Variants in CHODL observed in about 807,000 individuals in gnomAD.
The protein encoded by CHODL is transmembrane protein MT75.
A neutral mutation model predicts 34.5 loss-of-function variants in CHODL; 29 were observed. The observed-to-expected ratio is 0.84, with a 90% confidence interval of 0.63 to 1.15. The LOEUF is 1.15. CHODL is among the 50% of genes most tolerant of loss of function. CHODL has a pLI of 0.00. For synonymous variants in CHODL, 125 were observed against 116.1 expected, an observed-to-expected ratio of 1.08 and a Z score of -0.49; for missense variants, 332 against 332.5, an observed-to-expected ratio of 1.00 and a Z score of 0.01.
chr21:18,245,101 T>C lies in CHODL; in HGVS notation c.-123T>C, dbSNP rs1450368538. ...CGCGCAGGGGGTCGGGCAGCTGGGC[T>C]CGGGCGGCGGGAGTAGGGCCCGGCA... On this transcript the variant is annotated 5_prime_UTR_variant, in exon 1 of 6. Transcript: ENST00000299295. 2 of 807,366 alleles carry C rather than the reference T, an allele frequency of 2.5e-6. No homozygotes were observed. The highest frequency in any genetic ancestry group is 6.8e-5 in the East Asian group (2 of 29,536). The allele number at this position is 807,366 out of a possible 1,614,324, so 50.0% of individuals were successfully genotyped here. A position where few individuals can be genotyped will look rare whatever the true frequency, so the allele number is the denominator to read the frequency against.
chr21:18,206,661 T>C (rs898145935), intron 2 of CHODL, among the ~76,000 whole-genome samples: 3 of 151,876 alleles, frequency 2.0e-5, no homozygotes, highest in African/African-American at 4.8e-5. Context: ...ATTGTTATTA[T>C]TGATAAGTGA....
At chr21:18,174,155 A>ATCTTGGTATATG (rs1439330215) in intron 2 of CHODL, among the ~76,000 whole-genome samples, 1 of 110,482 alleles carries the variant, frequency 9.1e-6, no homozygotes, top group Admixed American at 9.1e-5. Flanking sequence ...ATATATATAT[A>ATCTTGGTATATG]TATATAAAAT....
chr21:18,167,211 CTGTGTGTG>C lies in CHODL; in HGVS notation c.-44-89260_-44-89253del, dbSNP rs71329776. The stretch of plus-strand genomic sequence containing the variant: ...TTTCACCATTCCCATTTCTCTCTCT[CTGTGTGTG>C]TGTGTGTGTGTGTGTGTGTGTGTGT... On this transcript the variant is annotated intron_variant, in intron 2 of 6. Transcript: ENST00000400127. Among the ~76,000 whole-genome samples the C allele has an allele frequency of 1.2e-3, 106 of 88,178 alleles. 1 individual carries two copies. The highest frequency in any genetic ancestry group is 3.4e-3 in the African/African-American group (78 of 22,914). The allele number at this position is 88,178 out of a possible 152,430, so 57.8% of individuals were successfully genotyped here.
chr21:18,256,570 A>G lies in CHODL; in HGVS notation c.141A>G (p.Glu47=). 2 of 1,613,830 alleles carry G rather than the reference A, an allele frequency of 1.2e-6. No homozygotes were observed. Among genetic ancestry groups the G allele is most frequent in the South Asian group, 2.2e-5 (2 of 91,058 alleles). ...HPCYKMAYFH[E]LSSRVSFQEA... is the part of the protein sequence containing the mutation. ...GCTACAAAATGGCCTACTTCCATGA[A>G]CTGTCCAGCCGAGTGAGCTTTCAGG... Residue 47 remains glutamate (E), a synonymous_variant, in exon 2 of 6, where the codon GAA becomes GAG. Transcript: ENST00000299295.
intron 2 of CHODL, among the ~76,000 whole-genome samples, chr21:18,128,690 G>A (rs1324698058): frequency 6.6e-6 from 1 of 152,152 alleles, no homozygotes; most frequent in East Asian, 1.9e-4. Flanking sequence ...GGAGCAAGGA[G>A]AAGGAATAGA....
intron 2 of CHODL, among the ~76,000 whole-genome samples, chr21:18,041,911 T>C (rs2064380523): frequency 2.0e-5 from 3 of 152,002 alleles, no homozygotes; most frequent in African/African-American, 7.2e-5. Context: ...GCAATAACTA[T>C]ATGAGAAAGC....
intron 2 of CHODL, among the ~76,000 whole-genome samples, chr21:18,187,340 C>A (rs940876830): frequency 1.3e-5 from 2 of 152,046 alleles, no homozygotes; most frequent in Admixed American, 6.6e-5. Context: ...CTGTATGTCC[C>A]ATGTCAAGCC....
At chr21:18,102,262 CTTCCTTTTGTCAT>C (rs1231833192) in intron 2 of CHODL, among the ~76,000 whole-genome samples, 1 of 152,188 alleles carries the variant, frequency 6.6e-6, no homozygotes, top group East Asian at 1.9e-4. Context: ...ACGCCCAACA[CTTCCTTTTGTCAT>C]TTCAGGATTC....
intron 2 of CHODL, among the ~76,000 whole-genome samples, chr21:18,167,217 G>C (rs886662576): frequency 0.012 from 1,307 of 112,298 alleles, 15 homozygotes; most frequent in African/African-American, 0.033. Context: ...CTCTCTGTGT[G>C]TGTGTGTGTG....
intron 1 of CHODL, among the ~76,000 whole-genome samples, chr21:18,000,588 A>G (rs1257172834): frequency 6.6e-6 from 1 of 152,078 alleles, no homozygotes; most frequent in African/African-American, 2.4e-5. Flanking sequence ...TACTTTTACC[A>G]TGACATTGTT....
At chr21:18,099,276 G>C (rs1326969789) in intron 2 of CHODL, among the ~76,000 whole-genome samples, 1 of 151,978 alleles carries the variant, frequency 6.6e-6, no homozygotes, top group South Asian at 2.1e-4. Context: ...TGCTTGATGA[G>C]ATGGATACTT....
upstream of CHODL, among the ~76,000 whole-genome samples, chr21:18,240,960 A>G (rs1487906464): frequency 5.9e-5 from 9 of 152,324 alleles, no homozygotes; most frequent in South Asian, 1.0e-3. Context: ...TATTTCTGAT[A>G]TCGTTATGAA....
chr21:17,969,556 A>C (rs997866081), intron 1 of CHODL, among the ~76,000 whole-genome samples: 5 of 152,230 alleles, frequency 3.3e-5, no homozygotes, highest in African/African-American at 9.6e-5. Context: ...TTACATTTTG[A>C]GAAAGTCATA....
intron 1 of CHODL, among the ~76,000 whole-genome samples, chr21:17,967,742 G>A (rs999744973): frequency 7.9e-5 from 12 of 151,516 alleles, no homozygotes; most frequent in African/African-American, 2.7e-4. Context: ...CGTAACTAGG[G>A]TCTTTTTTCA....
chr21:17,971,734 G>C (rs942229821), intron 1 of CHODL, among the ~76,000 whole-genome samples: 2 of 152,124 alleles, frequency 1.3e-5, no homozygotes, highest in Admixed American at 6.5e-5. Flanking sequence ...ACAGAGAGGA[G>C]CTGGTACCAT....
At chr21:18,018,994 C>T (rs2064102364) in intron 1 of CHODL, among the ~76,000 whole-genome samples, 1 of 152,160 alleles carries the variant, frequency 6.6e-6, no homozygotes, top group South Asian at 2.1e-4. Context: ...CTAATTACAC[C>T]ACTTGTTAAG....
chr21:18,147,353 A>G (rs1333591057), intron 2 of CHODL, among the ~76,000 whole-genome samples: 1 of 152,124 alleles, frequency 6.6e-6, no homozygotes, highest in African/African-American at 2.4e-5. Flanking sequence ...TCCCCTCTCC[A>G]AGCGCTGGTG....
At chr21:18,037,896 C>G (rs1470272824) in intron 2 of CHODL, among the ~76,000 whole-genome samples, 1 of 151,706 alleles carries the variant, frequency 6.6e-6, no homozygotes, top group Non-Finnish European at 1.5e-5. Context: ...TTCTACAAGT[C>G]TTGCATTGTT....
chr21:18,261,887 G>T (rs547743300), intron 4 of CHODL, among the ~76,000 whole-genome samples: 1 of 151,940 alleles, frequency 6.6e-6, no homozygotes, highest in Non-Finnish European at 1.5e-5. Flanking sequence ...GGAGTCTCGT[G>T]TCTCTGAGTC....
Sources: gnomAD v4.1 joint callset for allele counts (sites outside exome capture counted in the v4.1 genomes callset) on GRCh38, gnomAD v4.1.1 for gene constraint, MANE v1.5 for transcripts, NCBI Gene and HGNC (gene_info 2026-07-23, HGNC 2026-07-21) for gene names.